AP2A2: variants seen among roughly 807,000 people sequenced by gnomAD.
The protein encoded by AP2A2 is AP-2 complex subunit alpha-2.
A neutral mutation model predicts 104.2 loss-of-function variants in AP2A2; 32 were observed. That is an observed-to-expected ratio of 0.31 (90% CI 0.23 to 0.41). The LOEUF is 0.41. AP2A2 is among the 10% of genes least tolerant of loss of function. AP2A2 has a pLI of 1.00. For missense variants in AP2A2, 912 were observed against 1,261.0 expected (o/e 0.72, Z 4.19); for synonymous variants, 539 against 533.3 (o/e 1.01, Z -0.15).
At chr11:955,016 G>A (rs936533334) in intron 1 of AP2A2, among the ~76,000 whole-genome samples, 1 of 152,146 alleles carries the variant, frequency 6.6e-6, no homozygotes, top group African/African-American at 2.4e-5. Flanking sequence ...TTCTGCTTTA[G>A]ATCTGAGCTC....
At position 984,125 on chromosome 11, in the gene AP2A2, C is replaced by CACTT. The variant is rs113448175; in HGVS notation, c.706-519_706-516dup. ...GGAAATGCGAGGTAGTCGTGATTGT[C>CACTT]ACTTGTTCAGGAGGTTGACGGAGGA... On this transcript the variant is annotated intron_variant, in intron 6 of 21. Transcript: ENST00000448903. Among the ~76,000 whole-genome samples, 1,445 of 152,290 alleles carry CACTT rather than the reference C, an allele frequency of 9.5e-3. 25 individuals carry two copies. The highest frequency in any genetic ancestry group is 0.032 in the African/African-American group (1,347 of 41,548).
At chr11:958,775 C>G (rs1854324111) in intron 1 of AP2A2, among the ~76,000 whole-genome samples, 1 of 152,146 alleles carries the variant, frequency 6.6e-6, no homozygotes, top group South Asian at 2.1e-4. Flanking sequence ...TCCAAAGGTT[C>G]CATCTTCAGA....
intron 1 of AP2A2, among the ~76,000 whole-genome samples, chr11:954,298 T>A (rs1373931160): frequency 6.6e-6 from 1 of 152,220 alleles, no homozygotes; most frequent in Non-Finnish European, 1.5e-5. Context: ...TTCACTCTTG[T>A]CATCACCTTC....
chr11:1,001,080 C>T (rs898550159), intron 15 of AP2A2, among the ~76,000 whole-genome samples: 5 of 152,202 alleles, frequency 3.3e-5, no homozygotes, highest in Non-Finnish European at 5.9e-5. Context: ...TGAGGCCCAC[C>T]CTGCTCACGC....
chr11:968,851 G>A lies in AP2A2; in HGVS notation c.137-1318G>A, dbSNP rs1208892521. On this transcript the variant is annotated intron_variant, in intron 2 of 21. Transcript: ENST00000448903. The surrounding 1 kb of genome is among the most constrained non-coding windows in gnomAD (Gnocchi z 4.2). ...TATATCATCTGGTCTTTTAAATTAT[G>A]TTAATTTGCCGCTGACAAGGAGGGG... 6.6e-6 allele frequency among the ~76,000 whole-genome samples: 1 copy of A among 152,206 alleles called. No homozygotes were observed. The highest frequency in any genetic ancestry group is 2.1e-4 in the South Asian group (1 of 4,834).
intron 1 of AP2A2, among the ~76,000 whole-genome samples, chr11:948,073 T>A (rs1853912292): frequency 6.6e-6 from 1 of 152,076 alleles, no homozygotes; most frequent in South Asian, 2.1e-4. Flanking sequence ...TTAAAAAAGA[T>A]CTCAAATCAT....
intron 15 of AP2A2, among the ~76,000 whole-genome samples, chr11:1,002,390 G>A (rs1230487413): frequency 6.6e-6 from 1 of 152,278 alleles, no homozygotes; most frequent in African/African-American, 2.4e-5. Flanking sequence ...CAGTAGACAT[G>A]TTCCAGGCTG....
chr11:938,397 AAT>A (rs1190568470), intron 1 of AP2A2, among the ~76,000 whole-genome samples: 1 of 152,074 alleles, frequency 6.6e-6, no homozygotes, highest in Non-Finnish European at 1.5e-5. Flanking sequence ...TCGATTACCA[AAT>A]ATGTTCTAGA....
chr11:938,265 G>A (rs577081985), intron 1 of AP2A2, among the ~76,000 whole-genome samples: 1 of 152,200 alleles, frequency 6.6e-6, no homozygotes, highest in South Asian at 2.1e-4. Context: ...TTCTCCCATC[G>A]CCTGAAGTCC....
intron 5 of AP2A2, among the ~76,000 whole-genome samples, chr11:978,348 T>C (rs550481191): frequency 4.6e-5 from 7 of 152,298 alleles, no homozygotes; most frequent in African/African-American, 1.7e-4. Flanking sequence ...GAAGTTTCCA[T>C]GGCCATGCAG....
At chr11:1,009,855 G>T (rs1564825715) in intron 21 of AP2A2, 38 bp downstream of exon 21, 4 of 1,523,012 alleles carry the variant, frequency 2.6e-6, no homozygotes, top group Non-Finnish European at 3.6e-6. Flanking sequence ...CACTTGAGTT[G>T]CTTTTTATTC....
At chr11:942,242 G>C (rs1462002615) in intron 1 of AP2A2, 1 of 152,228 alleles carries the variant, frequency 6.6e-6, no homozygotes, top group African/African-American at 2.4e-5. Context: ...TGACCTTTTA[G>C]TAAATCAAAT....
At chr11:945,026 G>A (rs1038914054) in intron 1 of AP2A2, among the ~76,000 whole-genome samples, 1 of 152,046 alleles carries the variant, frequency 6.6e-6, no homozygotes, top group African/African-American at 2.4e-5. Flanking sequence ...GGTGTGAGGG[G>A]TGAACAGCTT....
intron 1 of AP2A2, among the ~76,000 whole-genome samples, chr11:940,025 G>A (rs1315546783): frequency 7.0e-6 from 1 of 142,274 alleles, no homozygotes; most frequent in South Asian, 2.2e-4. Flanking sequence ...GCGCGATCTC[G>A]GCTCACTGTA....
Position 1,010,735 on chromosome 11 carries a change from G to T in AP2A2, c.*110G>T, listed in dbSNP as rs1452385856. ...ACCGTGTCCAGTGCCACAGCACAAG[G>T]CGCCTCCCCGCCCCGCCGCCCCACA... On this transcript the variant is annotated 3_prime_UTR_variant, in exon 22 of 22. Transcript: ENST00000448903. 1 of 903,348 alleles carries T rather than the reference G, an allele frequency of 1.1e-6. No individual in the cohort carries two copies. Among genetic ancestry groups the T allele is most frequent in the Non-Finnish European group, 1.8e-6 (1 of 562,496 alleles). The allele number at this position is 903,348 out of a possible 1,614,324, so 56.0% of individuals were successfully genotyped here. A position where few individuals can be genotyped will look rare whatever the true frequency, so the allele number is the denominator to read the frequency against.
chr11:995,372 C>G (rs1206503056), intron 14 of AP2A2: 1 of 455,874 alleles, frequency 2.2e-6, no homozygotes, highest in South Asian at 1.5e-5. Flanking sequence ...TGCGTTTTTG[C>G]TTGGCTCTGC....
chr11:956,547 C>T (rs369898651), intron 1 of AP2A2, among the ~76,000 whole-genome samples: 1 of 152,220 alleles, frequency 6.6e-6, no homozygotes, highest in East Asian at 1.9e-4. Context: ...TGTATTTTGA[C>T]AGTGCTTGTT....
chr11:1,007,876 T>C (rs2133790180), intron 17 of AP2A2, 136 bp from the exon 18 acceptor site: 1 of 1,287,044 alleles, frequency 7.8e-7, no homozygotes, highest in Non-Finnish European at 1.1e-6. Context: ...GTGGTGTGGC[T>C]GCCCTCGACC....
intron 14 of AP2A2, among the ~76,000 whole-genome samples, chr11:998,346 G>A (rs968944055): frequency 2.8e-4 from 7 of 24,944 alleles, no homozygotes; most frequent in African/African-American, 5.1e-4. Flanking sequence ...CTGACCCCCC[G>A]CCCCCATTCT....
Sources: allele counts gnomAD v4.1 joint callset (sites outside exome capture counted in the v4.1 genomes callset), GRCh38; gene constraint gnomAD v4.1.1; non-coding constraint Gnocchi (gnomAD v3.1); transcripts MANE v1.5; gene names NCBI Gene and HGNC (gene_info 2026-07-23, HGNC 2026-07-21).